The following PTPRM variants were observed in gnomAD, a reference collection of about 807,000 sequenced individuals.
PTPRM encodes the protein receptor-type tyrosine-protein phosphatase mu.
PTPRM carries 47 observed loss-of-function variants against 186.7 expected under a neutral mutation model. The ratio of observed to expected loss-of-function variants is 0.25; its 90% confidence interval spans 0.20 to 0.32. PTPRM has a LOEUF of 0.32. Among genes scored for constraint, PTPRM ranks in the 10% least tolerant of loss-of-function variants. PTPRM has a pLI of 1.00. For missense variants in PTPRM, 1,494 were observed against 1,865.0 expected, an observed-to-expected ratio of 0.80 and a Z score of 3.66; for synonymous variants, 668 against 674.9, an observed-to-expected ratio of 0.99 and a Z score of 0.16.
chr18:7,843,538 A>G (rs983150948), intron 2 of PTPRM, among the ~76,000 whole-genome samples: 3 of 152,106 alleles, frequency 2.0e-5, no homozygotes, highest in African/African-American at 7.2e-5. Context: ...ATATATTATC[A>G]TTGTCATCAT....
At chr18:8,214,508 T>A (rs570632696) in intron 14 of PTPRM, among the ~76,000 whole-genome samples, 1 of 152,004 alleles carries the variant, frequency 6.6e-6, no homozygotes, top group Non-Finnish European at 1.5e-5. Flanking sequence ...TAAGTGAGAG[T>A]TTTTTATGTT....
At chr18:7,963,124 G>A (rs2053793274) in intron 7 of PTPRM, among the ~76,000 whole-genome samples, 2 of 152,254 alleles carry the variant, frequency 1.3e-5, no homozygotes, top group Non-Finnish European at 2.9e-5. Context: ...AAGGGCATGA[G>A]GAGTACCTTC....
At chr18:7,988,458 G>A (rs1294396402) in intron 7 of PTPRM, among the ~76,000 whole-genome samples, 1 of 152,006 alleles carries the variant, frequency 6.6e-6, no homozygotes, top group Admixed American at 6.6e-5. Flanking sequence ...GTACAATTCA[G>A]TGCCATTAAA....
intron 23 of PTPRM, among the ~76,000 whole-genome samples, chr18:8,359,752 A>G (rs2095585378): frequency 6.6e-6 from 1 of 152,232 alleles, no homozygotes; most frequent in Non-Finnish European, 1.5e-5. Flanking sequence ...TCGGGTGTGC[A>G]CAGCTGGAGT....
chr18:7,754,994 C>G (rs575948468), intron 1 of PTPRM: 1 of 152,252 alleles, frequency 6.6e-6, no homozygotes, highest in African/African-American at 2.4e-5. Flanking sequence ...CAATCCTGTG[C>G]GTGTCTCCTC....
intron 1 of PTPRM, among the ~76,000 whole-genome samples, chr18:7,666,275 C>T (rs1416905475): frequency 6.6e-6 from 1 of 151,982 alleles, no homozygotes; most frequent in Non-Finnish European, 1.5e-5. Flanking sequence ...CTTCCTTTGT[C>T]TTCTCTTCCC....
chr18:8,053,881 C>T (rs2087695341), intron 7 of PTPRM, among the ~76,000 whole-genome samples: 1 of 151,936 alleles, frequency 6.6e-6, no homozygotes, highest in South Asian at 2.1e-4. Context: ...TTCCTGGGCT[C>T]CTTATATCAT....
chr18:8,088,178 A>AT (rs1404447090), intron 10 of PTPRM, among the ~76,000 whole-genome samples: 1 of 152,164 alleles, frequency 6.6e-6, no homozygotes, highest in Non-Finnish European at 1.5e-5. Flanking sequence ...AGCCTTTCTT[A>AT]TTTCAGTTCC....
chr18:7,823,345 A>G (rs1193678935), intron 2 of PTPRM, among the ~76,000 whole-genome samples: 3 of 152,200 alleles, frequency 2.0e-5, no homozygotes, highest in Middle Eastern at 3.2e-3. Flanking sequence ...GAATGCCTGC[A>G]TTTCACACGT....
At chr18:7,795,673 A>T (rs1367553713) in intron 2 of PTPRM, among the ~76,000 whole-genome samples, 1 of 152,132 alleles carries the variant, frequency 6.6e-6, no homozygotes, top group Non-Finnish European at 1.5e-5. Context: ...CTATTTTGGC[A>T]AAATCTATGA....
intron 1 of PTPRM, among the ~76,000 whole-genome samples, chr18:7,609,518 T>TC (rs1157380317): frequency 3.7e-5 from 5 of 136,394 alleles, no homozygotes; most frequent in African/African-American, 6.2e-5. Context: ...ACTGCCTGTC[T>TC]CCTTTTTTTT....
Position 8,406,318 on chromosome 18 carries a change from TTGCACTG to T in PTPRM, c.*157_*163del. The T allele has an allele frequency of 1.5e-6, 1 of 673,936 alleles. No homozygotes were observed. Among genetic ancestry groups the T allele is most frequent in the Non-Finnish European group, 2.5e-6 (1 of 400,062 alleles). The allele number at this position is 673,936 out of a possible 1,614,324, so 41.7% of individuals were successfully genotyped here. A position where few individuals can be genotyped will look rare whatever the true frequency, so the allele number is the denominator to read the frequency against. On this transcript the variant is annotated 3_prime_UTR_variant, in exon 33 of 33. Transcript: ENST00000580170. The stretch of plus-strand genomic sequence containing the variant: ...CCCAAGAAAGTGTTTCTAAAATTGC[TTGCACTG>T]CCCAATCCCAGTAATGCTGCTGCCT...
In PTPRM at chr18:7,567,849, T is replaced by C. The variant is rs1333830492; in HGVS notation, c.31T>C (p.Leu11=). 6.4e-7 allele frequency: 1 copy of C among 1,563,630 alleles called. No homozygotes were observed. ...GGGACTTGGGACTTGCCTGGCGACT[T>C]TGGCCGGACTTTTGCTAACTGCGGC... MRGLGTCLAT[L]AGLLLTAAGE... Residue 11 remains leucine (L), a synonymous_variant, in exon 1 of 33, where the codon TTG becomes CTG. Transcript: ENST00000580170. The surrounding 1 kb of genome is among the most constrained non-coding windows in gnomAD (Gnocchi z 4.3).
At chr18:7,809,401 A>G (rs2044392821) in intron 2 of PTPRM, among the ~76,000 whole-genome samples, 1 of 152,156 alleles carries the variant, frequency 6.6e-6, no homozygotes, top group Non-Finnish European at 1.5e-5. Context: ...ACGGTCATGT[A>G]GGTTTCCCTT....
intron 11 of PTPRM, among the ~76,000 whole-genome samples, chr18:8,097,507 G>A (rs558638786): frequency 6.5e-4 from 99 of 152,260 alleles, no homozygotes; most frequent in African/African-American, 2.3e-3. Context: ...GGAAATGTTA[G>A]GATTGACACT....
chr18:8,125,361 C>G (rs894832351), intron 13 of PTPRM, among the ~76,000 whole-genome samples: 2 of 152,046 alleles, frequency 1.3e-5, no homozygotes, highest in African/African-American at 4.8e-5. Context: ...GCTTAAACTT[C>G]TTGACCCCAA....
intron 19 of PTPRM, among the ~76,000 whole-genome samples, chr18:8,292,352 C>T (rs2095051702): frequency 6.6e-6 from 1 of 152,196 alleles, no homozygotes; most frequent in African/African-American, 2.4e-5. Flanking sequence ...AAAGCCAAGG[C>T]AACCAATCTA....
At chr18:7,658,359 T>TATATATATATATAC (rs1491198247) in intron 1 of PTPRM, among the ~76,000 whole-genome samples, 9 of 136,666 alleles carry the variant, frequency 6.6e-5, no homozygotes, top group African/African-American at 2.6e-4. Flanking sequence ...TATATATATA[T>TATATATATATATAC]ACATACACAC....
chr18:8,376,847 T>TAAGTGCTCAGAA, intron 26 of PTPRM: 1 of 431,006 alleles, frequency 2.3e-6, no homozygotes, highest in East Asian at 4.4e-5. Context: ...TTTTCTGTAT[T>TAAGTGCTCAGAA]AAGGGACCCA....
Sources: allele counts gnomAD v4.1 joint callset (sites outside exome capture counted in the v4.1 genomes callset), GRCh38; gene constraint gnomAD v4.1.1; non-coding constraint Gnocchi (gnomAD v3.1); transcripts MANE v1.5; gene names NCBI Gene and HGNC (gene_info 2026-07-23, HGNC 2026-07-21).